The following OLFM3 variants were observed in gnomAD, a reference collection of about 807,000 sequenced individuals.
OLFM3 encodes the protein noelin-3.
A neutral mutation model predicts 48.6 loss-of-function variants in OLFM3; 20 were observed. The ratio of observed to expected loss-of-function variants is 0.41; its 90% confidence interval spans 0.29 to 0.60. The LOEUF is 0.60. Among genes scored for constraint, OLFM3 ranks in the 20% least tolerant of loss-of-function variants. OLFM3 has a pLI of 0.28. For synonymous variants in OLFM3, 222 were observed against 198.1 expected (o/e 1.12, Z -1.01); for missense variants, 437 against 544.3 (o/e 0.80, Z 1.96).
chr1:101,993,775 A>G (rs1661480227), intron 1 of OLFM3, among the ~76,000 whole-genome samples: 1 of 152,076 alleles, frequency 6.6e-6, no homozygotes. Context: ...GATACAGTAA[A>G]TGAGAGAAAA....
rs775764513 is a variant in OLFM3 at position 101,836,942 on chromosome 1, A to G, written c.153T>C (p.Ala51=). 6.2e-7 allele frequency: 1 copy of G among 1,614,158 alleles called. No individual in the cohort carries two copies. Among genetic ancestry groups the G allele is most frequent in the Non-Finnish European group, 8.5e-7 (1 of 1,180,020 alleles). The change falls in exon 2 of 6, where the codon GCT becomes GCC. Residue 51 remains alanine (A), a synonymous_variant. Transcript: ENST00000370103. Reference sequence around the variant, plus strand: ...CCCGGGAACACAGGTTTTGTTCTGGAGCAACAACTGTGCAAATGCACCGCC... The same window carrying G: ...CCCGGGAACACAGGTTTTGTTCTGGGGCAACAACTGTGCAAATGCACCGCC... ...PDGRCICTVV[A]PEQNLCSRDA...
At chr1:101,952,810 A>T (rs188959022) in intron 1 of OLFM3, among the ~76,000 whole-genome samples, 172 of 145,718 alleles carry the variant, frequency 1.2e-3, no homozygotes, top group African/African-American at 3.4e-3. Flanking sequence ...TATCTTTTTT[A>T]AAAAAAAATT....
chr1:101,859,286 A>C (rs1297118911), intron 1 of OLFM3, among the ~76,000 whole-genome samples: 1 of 152,126 alleles, frequency 6.6e-6, no homozygotes, highest in Non-Finnish European at 1.5e-5. Flanking sequence ...TTAGAGGAAT[A>C]TCATTCAGAA....
intron 1 of OLFM3, among the ~76,000 whole-genome samples, chr1:101,907,056 A>G (rs1658577744): frequency 6.6e-6 from 1 of 152,198 alleles, no homozygotes. Flanking sequence ...TGACAATAAA[A>G]AAAGATTAAA....
At chr1:101,996,271 A>T (rs895922771) in intron 1 of OLFM3, among the ~76,000 whole-genome samples, 19 of 152,120 alleles carry the variant, frequency 1.2e-4, no homozygotes, top group African/African-American at 4.3e-4. Flanking sequence ...CAGCATCCCA[A>T]ATGTTTTGGA....
intron 1 of OLFM3, among the ~76,000 whole-genome samples, chr1:101,867,346 G>A (rs569195968): frequency 2.0e-5 from 3 of 152,198 alleles, no homozygotes; most frequent in African/African-American, 4.8e-5. Flanking sequence ...TATAGACTGC[G>A]TTTTCAATAT....
At chr1:101,837,662 T>C (rs1173861469) in intron 1 of OLFM3, 2 of 152,226 alleles carry the variant, frequency 1.3e-5, no homozygotes, top group Non-Finnish European at 2.9e-5. Flanking sequence ...CACTCTACCT[T>C]CTTAGAACTC....
chr1:101,863,694 A>G (rs193249388), intron 1 of OLFM3, among the ~76,000 whole-genome samples: 5 of 152,272 alleles, frequency 3.3e-5, no homozygotes, highest in East Asian at 1.9e-4. Flanking sequence ...TAAATATATT[A>G]TTTTTTTCAT....
intron 1 of OLFM3, among the ~76,000 whole-genome samples, chr1:101,965,255 G>A (rs1257974192): frequency 6.6e-6 from 1 of 152,070 alleles, no homozygotes; most frequent in Non-Finnish European, 1.5e-5. Context: ...CCAGGCTAAC[G>A]GGAACTAACC....
At chr1:101,879,864 G>A (rs1284741434) in intron 1 of OLFM3, among the ~76,000 whole-genome samples, 1 of 151,698 alleles carries the variant, frequency 6.6e-6, no homozygotes, top group Non-Finnish European at 1.5e-5. Context: ...CTAAAATAAA[G>A]TTTCTCTTAA....
At chr1:101,990,785 C>T (rs901953807) in intron 1 of OLFM3, among the ~76,000 whole-genome samples, 1 of 151,260 alleles carries the variant, frequency 6.6e-6, no homozygotes, top group Non-Finnish European at 1.5e-5. Context: ...GAGATCGAGA[C>T]CATCCTGGCT....
chr1:101,912,179 C>T (rs115087909), intron 1 of OLFM3, among the ~76,000 whole-genome samples: 2,229 of 152,174 alleles, frequency 0.015, 60 homozygotes, highest in African/African-American at 0.051. Flanking sequence ...CATGCCTTTT[C>T]GGGTTTCTGT....
intron 4 of OLFM3, among the ~76,000 whole-genome samples, chr1:101,809,961 T>G (rs147354566): frequency 9.2e-5 from 14 of 152,086 alleles, no homozygotes; most frequent in African/African-American, 2.9e-4. Flanking sequence ...TAAAACTTCT[T>G]ACAGATCTCA....
At chr1:101,810,016 C>A (rs1481944894) in intron 4 of OLFM3, among the ~76,000 whole-genome samples, 1 of 151,822 alleles carries the variant, frequency 6.6e-6, no homozygotes, top group Non-Finnish European at 1.5e-5. Context: ...CCAACCATGA[C>A]AACATGGAAG....
intron 5 of OLFM3, 48 bp downstream of exon 5, chr1:101,806,027 TG>T: frequency 7.3e-7 from 1 of 1,368,564 alleles, no homozygotes; most frequent in Non-Finnish European, 1.0e-6. Context: ...AGAGAAAAAG[TG>T]TAAGCAGAAC....
chr1:101,816,746 C>T (rs1654355351), intron 4 of OLFM3, among the ~76,000 whole-genome samples: 1 of 152,106 alleles, frequency 6.6e-6, no homozygotes, highest in Non-Finnish European at 1.5e-5. Context: ...GGATCAATAG[C>T]ATGTATATGC....
intron 1 of OLFM3, among the ~76,000 whole-genome samples, chr1:101,945,129 T>C (rs1216456805): frequency 6.6e-6 from 1 of 152,140 alleles, no homozygotes; most frequent in African/African-American, 2.4e-5. Flanking sequence ...TAAATATACA[T>C]ATACCATATT....
chr1:101,848,772 C>G (rs1656112749), intron 1 of OLFM3, among the ~76,000 whole-genome samples: 1 of 152,028 alleles, frequency 6.6e-6, no homozygotes, highest in African/African-American at 2.4e-5. Flanking sequence ...CTCTATCTTA[C>G]TTTAATAAAG....
chr1:101,803,149 G>A lies in OLFM3; in HGVS notation c.*1089C>T, dbSNP rs1653572233. 6.6e-6 allele frequency: 1 copy of A among 151,960 alleles called. No individual in the cohort carries two copies. Among genetic ancestry groups the A allele is most frequent in the African/African-American group, 2.4e-5 (1 of 41,336 alleles). The allele number at this position is 151,960 out of a possible 1,614,324, so 9.4% of individuals were successfully genotyped here. A position where few individuals can be genotyped will look rare whatever the true frequency, so the allele number is the denominator to read the frequency against. ...CAGGGCTCATAATCTAAATCTAGAGGACATTACAGAATTTTTTTTTTCTAA... is the reference window on the plus strand; with the variant it reads ...CAGGGCTCATAATCTAAATCTAGAGAACATTACAGAATTTTTTTTTTCTAA... On this transcript the variant is annotated 3_prime_UTR_variant, in exon 6 of 6. Transcript: ENST00000370103.
Sources: allele counts gnomAD v4.1 joint callset (sites outside exome capture counted in the v4.1 genomes callset), GRCh38; gene constraint gnomAD v4.1.1; transcripts MANE v1.5; gene names NCBI Gene and HGNC (gene_info 2026-07-23, HGNC 2026-07-21).